Variants in LRRK1 observed in about 807,000 individuals in gnomAD.
The protein encoded by LRRK1 is leucine-rich repeat serine/threonine-protein kinase 1.
In LRRK1, 113 loss-of-function variants were observed where a neutral mutation model predicts 209.1. The ratio of observed to expected loss-of-function variants is 0.54; its 90% CI spans 0.46 to 0.63. The LOEUF is 0.63. Among genes scored for constraint, LRRK1 ranks in the 30% least tolerant of loss-of-function variants. The pLI, the probability that LRRK1 is intolerant of heterozygous loss-of-function variation, is 0.00. For missense variants in LRRK1, 2,284 were observed against 2,632.2 expected, an observed-to-expected ratio of 0.87 and a Z score of 2.89; for synonymous variants, 1,144 against 1,099.7, an observed-to-expected ratio of 1.04 and a Z score of -0.80.
intron 6 of LRRK1, among the ~76,000 whole-genome samples, chr15:101,006,501 C>T (rs2032966216): frequency 6.6e-6 from 1 of 151,936 alleles, no homozygotes; most frequent in African/African-American, 2.4e-5. Context: ...CAAGGGATCC[C>T]AGATCAGGAC....
At chr15:100,995,182 T>C (rs2032347037) in intron 6 of LRRK1, among the ~76,000 whole-genome samples, 1 of 152,054 alleles carries the variant, frequency 6.6e-6, no homozygotes, top group Non-Finnish European at 1.5e-5. Context: ...TGCCATCGTG[T>C]TTTTTGTGTG....
rs2036709571 is a variant in LRRK1 at position 101,069,568 on chromosome 15, A to G, written c.*720A>G. 6.6e-6 allele frequency: 1 copy of G among 152,626 alleles called. No individual in the cohort carries two copies. The highest frequency in any genetic ancestry group is 2.1e-4 in the South Asian group (1 of 4,826). 9.5% of individuals were successfully genotyped at this position (152,626 alleles called of 1,614,324 possible). On this transcript the variant is annotated 3_prime_UTR_variant, in exon 34 of 34. Transcript: ENST00000388948. ...ACATTCCTCTCCACCGACAAAAGGA[A>G]GGGGAAACTCAATCAGCAGGACTTC...
At chr15:101,007,301 T>C (rs1013224053) in intron 6 of LRRK1, among the ~76,000 whole-genome samples, 2 of 152,224 alleles carry the variant, frequency 1.3e-5, no homozygotes, top group Admixed American at 6.5e-5. Flanking sequence ...AATTTTCCAA[T>C]ACGGATTTCC....
chr15:100,996,396 G>A (rs1362655381), intron 6 of LRRK1, among the ~76,000 whole-genome samples: 1 of 152,240 alleles, frequency 6.6e-6, no homozygotes, highest in Non-Finnish European at 1.5e-5. Flanking sequence ...TCTTGGCCTG[G>A]CCTGTTCCAC....
intron 6 of LRRK1, among the ~76,000 whole-genome samples, chr15:101,005,304 C>G (rs1567226524): frequency 6.6e-6 from 1 of 151,978 alleles, no homozygotes; most frequent in Admixed American, 6.6e-5. Flanking sequence ...CCAAAGGCCA[C>G]TGTACTTTGC....
intron 2 of LRRK1, among the ~76,000 whole-genome samples, chr15:100,935,403 G>A (rs8031719): frequency 0.25 from 37,600 of 152,144 alleles, 4,849 homozygotes; most frequent in South Asian, 0.3. Flanking sequence ...GCTGGGCAGC[G>A]GGAATGAGCT....
chr15:100,925,511 A>G (rs940524316), intron 2 of LRRK1, among the ~76,000 whole-genome samples: 1 of 152,030 alleles, frequency 6.6e-6, no homozygotes, highest in Admixed American at 6.6e-5. Context: ...ATCTCTTCAT[A>G]CCTGGTTTCA....
chr15:100,933,389 G>C (rs992083251), intron 2 of LRRK1, among the ~76,000 whole-genome samples: 2 of 152,102 alleles, frequency 1.3e-5, no homozygotes, highest in African/African-American at 2.4e-5. Flanking sequence ...GACATTTCTT[G>C]TATTTTCTTT....
At chr15:101,068,142 C>G (rs561634157) in intron 33 of LRRK1, among the ~76,000 whole-genome samples, 1 of 152,204 alleles carries the variant, frequency 6.6e-6, no homozygotes, top group Non-Finnish European at 1.5e-5. Flanking sequence ...ACACACCCAC[C>G]GATCCTGCAA....
At chr15:100,950,389 A>G (rs2042621952) in intron 2 of LRRK1, among the ~76,000 whole-genome samples, 1 of 152,240 alleles carries the variant, frequency 6.6e-6, no homozygotes, top group South Asian at 2.1e-4. Context: ...GGATTGGAAG[A>G]CTTAATAATG....
chr15:100,944,501 T>G (rs2042501125), intron 2 of LRRK1, among the ~76,000 whole-genome samples: 1 of 152,180 alleles, frequency 6.6e-6, no homozygotes, highest in Admixed American at 6.5e-5. Flanking sequence ...GCTTTAACCT[T>G]TCGGAGGCTA....
chr15:100,981,954 A>G (rs1182928023), intron 3 of LRRK1, among the ~76,000 whole-genome samples: 1 of 152,214 alleles, frequency 6.6e-6, no homozygotes, highest in Admixed American at 6.5e-5. Context: ...TCCCACCTCA[A>G]ACTTAATTGT....
At chr15:100,967,267 G>A (rs1376920534) in intron 2 of LRRK1, among the ~76,000 whole-genome samples, 1 of 152,134 alleles carries the variant, frequency 6.6e-6, no homozygotes, top group Non-Finnish European at 1.5e-5. Context: ...ACGTATAACC[G>A]CTTACACACC....
At chr15:100,995,744 A>T (rs2032376416) in intron 6 of LRRK1, among the ~76,000 whole-genome samples, 1 of 152,216 alleles carries the variant, frequency 6.6e-6, no homozygotes. Flanking sequence ...CAGCAGTTAG[A>T]GGGCCAGGCT....
Position 100,926,862 on chromosome 15 carries a change from T to G in LRRK1, c.97+2133T>G, listed in dbSNP as rs188602119. ...ACCACGCCCAGCTAATTTTTGTATT[T>G]TTAGTAGAGACGAAGTTTCACCATG... On this transcript the variant is annotated intron_variant, in intron 2 of 33. Transcript: ENST00000388948. 3.0e-3 allele frequency among the ~76,000 whole-genome samples: 459 copies of G among 152,068 alleles called. 3 individuals carry two copies. Among genetic ancestry groups the G allele is most frequent in the African/African-American group, 0.01 (431 of 41,492 alleles).
intron 10 of LRRK1, among the ~76,000 whole-genome samples, chr15:101,013,231 G>A (rs188019374): frequency 6.6e-6 from 1 of 152,190 alleles, no homozygotes; most frequent in African/African-American, 2.4e-5. Flanking sequence ...GCAGGAGGGG[G>A]CTGGCTGCAG....
rs1367682434 is a variant in LRRK1 at position 101,026,145 on chromosome 15, C to T, written c.2405+8C>T. ...CACCTTCAAACACTTACAGTGAGTG[C>T]CCAGCCTCGGGCAGCTCCTGCCTTC... On this transcript the variant is annotated splice_region_variant and intron_variant, in intron 17 of 33. Coordinates refer to ENST00000388948, the MANE Select transcript of LRRK1 (RefSeq NM_024652.6). The T allele has an allele frequency of 6.2e-7, 1 of 1,613,640 alleles. No individual in the cohort carries two copies.
intron 3 of LRRK1, among the ~76,000 whole-genome samples, chr15:100,976,649 T>C (rs190989292): frequency 1.3e-5 from 2 of 152,348 alleles, no homozygotes; most frequent in Admixed American, 1.3e-4. Context: ...AATTTCATTA[T>C]CTTTGACCCA....
intron 33 of LRRK1, chr15:101,067,490 T>G: frequency 3.2e-6 from 1 of 308,770 alleles, no homozygotes; most frequent in Non-Finnish European, 6.7e-6. Context: ...CATTTCACAC[T>G]AGGCCTGTTT....
Sources: gnomAD v4.1 joint callset for allele counts (sites outside exome capture counted in the v4.1 genomes callset) on GRCh38, gnomAD v4.1.1 for gene constraint, MANE v1.5 for transcripts, NCBI Gene and HGNC (gene_info 2026-07-23, HGNC 2026-07-21) for gene names.